The following PLEKHG1 variants were observed in gnomAD, a reference collection of about 807,000 sequenced individuals.
PLEKHG1 encodes the protein pleckstrin homology and RhoGEF domain containing G1.
PLEKHG1 carries 44 observed loss-of-function variants against 100.8 expected under a neutral mutation model. That is an observed-to-expected ratio of 0.44 (90% CI 0.34 to 0.56). The LOEUF (loss-of-function observed/expected upper bound fraction) is 0.56. Among genes scored for constraint, PLEKHG1 ranks in the 20% least tolerant of loss-of-function variants. PLEKHG1 has a pLI of 0.01. For synonymous variants in PLEKHG1, 640 were observed against 662.5 expected (o/e 0.97, Z 0.52); for missense variants, 1,545 against 1,720.9 (o/e 0.90, Z 1.81).
intron 3 of PLEKHG1, among the ~76,000 whole-genome samples, chr6:150,668,607 T>A (rs1056800043): frequency 2.0e-5 from 3 of 152,174 alleles, no homozygotes; most frequent in Non-Finnish European, 4.4e-5. Context: ...CAAGTAGGAG[T>A]TCCACATTCC....
chr6:150,791,595 G>A (rs545492411), intron 4 of PLEKHG1, among the ~76,000 whole-genome samples: 5 of 151,714 alleles, frequency 3.3e-5, no homozygotes, highest in Non-Finnish European at 5.9e-5. Context: ...GTTTGAACCC[G>A]GGAAGCAGAG....
chr6:150,783,091 A>T (rs1426159285), intron 3 of PLEKHG1, among the ~76,000 whole-genome samples: 1 of 100,402 alleles, frequency 1.0e-5, no homozygotes, highest in African/African-American at 5.4e-5. Flanking sequence ...ACACATGTTT[A>T]AAAAAAAACT....
intron 2 of PLEKHG1, among the ~76,000 whole-genome samples, chr6:150,742,100 T>G (rs1782888588): frequency 6.6e-6 from 1 of 152,212 alleles, no homozygotes; most frequent in African/African-American, 2.4e-5. Context: ...GCCATTCTTG[T>G]GTTGCTATAA....
At chr6:150,810,558 A>G (rs117220317) in intron 10 of PLEKHG1, among the ~76,000 whole-genome samples, 36,328 of 145,072 alleles carry the variant, frequency 0.25, 4,967 homozygotes, top group Middle Eastern at 0.34. Flanking sequence ...AAGGAAAGAA[A>G]GAAAGAAAAT....
intron 2 of PLEKHG1, among the ~76,000 whole-genome samples, chr6:150,764,047 C>G (rs1258472124): frequency 6.6e-6 from 1 of 152,150 alleles, no homozygotes; most frequent in African/African-American, 2.4e-5. Context: ...TCTGCACATA[C>G]CTGTCTGCTG....
intron 2 of PLEKHG1, among the ~76,000 whole-genome samples, chr6:150,744,595 A>T (rs1327896813): frequency 6.6e-6 from 1 of 152,204 alleles, no homozygotes; most frequent in East Asian, 1.9e-4. Context: ...ACTTTTAGAG[A>T]ACAAATTTAC....
intron 3 of PLEKHG1, among the ~76,000 whole-genome samples, chr6:150,711,249 C>T (rs1781231785): frequency 6.6e-6 from 1 of 152,056 alleles, no homozygotes; most frequent in East Asian, 1.9e-4. Flanking sequence ...TCCGCTCTAC[C>T]CTATGCGCCC....
intron 2 of PLEKHG1, among the ~76,000 whole-genome samples, chr6:150,739,080 C>T (rs1782715065): frequency 6.6e-6 from 1 of 152,112 alleles, no homozygotes; most frequent in Non-Finnish European, 1.5e-5. Flanking sequence ...TTGAGAACCT[C>T]ATAAGATTTG....
chr6:150,609,973 G>A (rs918758670), intron 1 of PLEKHG1, among the ~76,000 whole-genome samples: 3 of 152,148 alleles, frequency 2.0e-5, no homozygotes, highest in Non-Finnish European at 4.4e-5. Context: ...TACCCAAAGC[G>A]GCTCATGGCT....
intron 6 of PLEKHG1, among the ~76,000 whole-genome samples, chr6:150,803,014 T>C (rs1786803507): frequency 6.6e-6 from 1 of 152,084 alleles, no homozygotes; most frequent in Non-Finnish European, 1.5e-5. Context: ...CACAGAAATA[T>C]CCTCTGTACC....
chr6:150,740,524 A>G (rs369944272), intron 2 of PLEKHG1, among the ~76,000 whole-genome samples: 7 of 152,344 alleles, frequency 4.6e-5, no homozygotes, highest in Middle Eastern at 3.4e-3. Context: ...CAATTTAAAT[A>G]ACATTTATTG....
chr6:150,630,460 T>C (rs1777700183), intron 1 of PLEKHG1, among the ~76,000 whole-genome samples: 1 of 152,090 alleles, frequency 6.6e-6, no homozygotes. Context: ...GATGGCTTAG[T>C]TGTGGGGCAT....
At chr6:150,793,566 A>T (rs796738762) in intron 4 of PLEKHG1, among the ~76,000 whole-genome samples, 17 of 152,360 alleles carry the variant, frequency 1.1e-4, no homozygotes, top group African/African-American at 3.6e-4. Flanking sequence ...CCAACTCCTA[A>T]TAAATTAATA....
intron 2 of PLEKHG1, among the ~76,000 whole-genome samples, chr6:150,764,280 C>T (rs11757180): frequency 0.36 from 55,245 of 151,682 alleles, 12,334 homozygotes; most frequent in African/African-American, 0.61. Flanking sequence ...CACCATGCCC[C>T]GCTAAATTTT....
intron 3 of PLEKHG1, among the ~76,000 whole-genome samples, chr6:150,712,929 T>A (rs2128605056): frequency 6.6e-6 from 1 of 152,350 alleles, no homozygotes; most frequent in South Asian, 2.1e-4. Context: ...AAAGAGAATT[T>A]AGGAAAATAG....
In PLEKHG1 at chr6:150,600,067, A is replaced by AG. The variant is rs1776267010; in HGVS notation, c.-204+56dup. 5.4e-6 allele frequency: 1 copy of AG among 186,054 alleles called. No individual in the cohort carries two copies. 11.5% of individuals were successfully genotyped at this position (186,054 alleles called of 1,614,324 possible). A position where few individuals can be genotyped will look rare whatever the true frequency, so the allele number is the denominator to read the frequency against. ...CCCTGGGGACTTTTCCAGGGATGGG[A>AG]GGGGGGACCCGGGGACCTCCGGCGG... On this transcript the variant is annotated intron_variant, in intron 1 of 3. Transcript: ENST00000367326. This position sits in a 1 kb window ranked among gnomAD's most constrained non-coding sequence, Gnocchi z 6.2.
At chr6:150,706,306 AGTT>A (rs921573915) in intron 3 of PLEKHG1, among the ~76,000 whole-genome samples, 5 of 152,114 alleles carry the variant, frequency 3.3e-5, no homozygotes, top group African/African-American at 1.2e-4. Flanking sequence ...TGTTCCATCA[AGTT>A]GTCAATTTCA....
intron 3 of PLEKHG1, among the ~76,000 whole-genome samples, chr6:150,654,320 A>G (rs889609315): frequency 6.6e-6 from 1 of 152,198 alleles, no homozygotes; most frequent in Non-Finnish European, 1.5e-5. Context: ...CAAAGATTAG[A>G]AATGGTATGT....
intron 2 of PLEKHG1, among the ~76,000 whole-genome samples, chr6:150,744,779 A>G (rs1298196035): frequency 1.3e-5 from 2 of 152,214 alleles, no homozygotes; most frequent in East Asian, 3.8e-4. Context: ...GACAATCTTG[A>G]CTGGCTTCTT....
Sources: allele counts gnomAD v4.1 joint callset (sites outside exome capture counted in the v4.1 genomes callset), GRCh38; gene constraint gnomAD v4.1.1; non-coding constraint Gnocchi (gnomAD v3.1); transcripts MANE v1.5; gene names NCBI Gene and HGNC (gene_info 2026-07-23, HGNC 2026-07-21).